SULF1: variants seen among roughly 807,000 people sequenced by gnomAD.
SULF1 encodes sulfatase 1.
SULF1 carries 46 observed loss-of-function variants against 110.5 expected under a neutral mutation model. That is an observed-to-expected ratio of 0.42 (90% CI 0.33 to 0.53). SULF1 has a LOEUF of 0.53. SULF1 is among the 20% of genes least tolerant of loss of function. SULF1 has a pLI of 0.12. For missense variants in SULF1, 941 were observed against 1,094.2 expected (o/e 0.86, Z 1.98); for synonymous variants, 371 against 387.1 (o/e 0.96, Z 0.49).
In SULF1 at chr8:69,651,678, G is replaced by A. The variant is rs1812356307; in HGVS notation, c.2586-6827G>A. The stretch of plus-strand genomic sequence containing the variant: ...ATTGTGTATTATATTAATAGATTTG[G>A]TAAGAATGAATCCTTTCATTCCTGA... On this transcript the variant is annotated intron_variant, in intron 22 of 22. Transcript: ENST00000402687. Among the ~76,000 whole-genome samples, 3 of 152,058 alleles carry A rather than the reference G, an allele frequency of 2.0e-5. No individual in the cohort carries two copies. In the South Asian group the frequency reaches 6.2e-4, roughly 32 times the overall value.
intron 3 of SULF1, among the ~76,000 whole-genome samples, chr8:69,532,580 A>G (rs1386780365): frequency 6.6e-6 from 1 of 152,240 alleles, no homozygotes; most frequent in East Asian, 1.9e-4. Context: ...ATGCATTGCA[A>G]GATCTTTAAA....
chr8:69,643,530 T>A (rs549429256), intron 22 of SULF1, among the ~76,000 whole-genome samples: 2 of 152,356 alleles, frequency 1.3e-5, no homozygotes, highest in East Asian at 1.9e-4. Context: ...AGCATTTTTT[T>A]AAATGTATCT....
intron 3 of SULF1, among the ~76,000 whole-genome samples, chr8:69,561,658 C>T (rs1003276289): frequency 6.6e-6 from 1 of 152,176 alleles, no homozygotes; most frequent in Non-Finnish European, 1.5e-5. Flanking sequence ...AGCAGGGGTT[C>T]ATTTACAGTA....
At chr8:69,641,608 C>T (rs757916257) in intron 22 of SULF1, among the ~76,000 whole-genome samples, 8 of 151,976 alleles carry the variant, frequency 5.3e-5, no homozygotes, top group Non-Finnish European at 8.8e-5. Context: ...TGGTGATGCA[C>T]ACCTGTAGTC....
intron 8 of SULF1, among the ~76,000 whole-genome samples, chr8:69,590,048 C>A (rs933652192): frequency 6.6e-6 from 1 of 152,180 alleles, no homozygotes; most frequent in Non-Finnish European, 1.5e-5. Context: ...CTCTTTTCAT[C>A]CACACTGGTT....
At chr8:69,512,990 T>C (rs1337357135) in intron 3 of SULF1, among the ~76,000 whole-genome samples, 1 of 152,232 alleles carries the variant, frequency 6.6e-6, no homozygotes, top group African/African-American at 2.4e-5. Context: ...ATACCTTAAT[T>C]ATGATTCATA....
At position 69,600,711 on chromosome 8, in the gene SULF1, A is replaced by G. The variant is rs1426021059; in HGVS notation, c.843A>G (p.Lys281=). The change falls in exon 9 of 23, where the codon AAA becomes AAG. Residue 281 remains lysine, a synonymous_variant. Coordinates refer to ENST00000402687, the MANE Select transcript of SULF1 (RefSeq NM_001128205.2). Reference sequence around the variant, plus strand: ...AATTTACAAACATTCTACAGCGCAAAAGGCTCCAGACTTTGATGTCAGTGG... The same window carrying G: ...AATTTACAAACATTCTACAGCGCAAGAGGCTCCAGACTTTGATGTCAGTGG... The part of the protein sequence containing the change: ...HMEFTNILQR[K]RLQTLMSVDD... The G allele has an allele frequency of 1.2e-6, 2 of 1,614,004 alleles. No homozygotes were observed. The highest frequency in any genetic ancestry group is 4.5e-5 in the East Asian group (2 of 44,870).
intron 3 of SULF1, among the ~76,000 whole-genome samples, chr8:69,514,202 A>G (rs899428948): frequency 1.3e-5 from 2 of 152,226 alleles, no homozygotes; most frequent in African/African-American, 4.8e-5. Flanking sequence ...TGGGTAATTT[A>G]TAAAGAAAAG....
At chr8:69,613,017 G>T (rs1808783377) in intron 13 of SULF1, among the ~76,000 whole-genome samples, 1 of 152,140 alleles carries the variant, frequency 6.6e-6, no homozygotes, top group Non-Finnish European at 1.5e-5. Context: ...GATCCATCTT[G>T]AGTTGATTTT....
At chr8:69,601,868 C>T (rs763430481) in intron 10 of SULF1, 39 bp downstream of exon 10, 2 of 1,558,084 alleles carry the variant, frequency 1.3e-6, no homozygotes, top group South Asian at 2.5e-5. Context: ...ACTGTCGTAC[C>T]TCAAGTGTGT....
chr8:69,480,076 C>T (rs1249445124), intron 1 of SULF1, among the ~76,000 whole-genome samples: 1 of 152,046 alleles, frequency 6.6e-6, no homozygotes, highest in Non-Finnish European at 1.5e-5. Context: ...AGCACCGTTG[C>T]TATGGATGAT....
At chr8:69,470,602 G>A (rs1463465431) in intron 1 of SULF1, among the ~76,000 whole-genome samples, 3 of 151,894 alleles carry the variant, frequency 2.0e-5, no homozygotes, top group Non-Finnish European at 4.4e-5. Context: ...CTCACATGTG[G>A]GCCATTGCAA....
At chr8:69,541,707 C>A (rs1048207496) in intron 3 of SULF1, among the ~76,000 whole-genome samples, 1 of 152,112 alleles carries the variant, frequency 6.6e-6, no homozygotes, top group African/African-American at 2.4e-5. Context: ...GGAAGAATGT[C>A]TTTGTTTTCA....
chr8:69,654,193 G>A (rs533348299), intron 22 of SULF1, among the ~76,000 whole-genome samples: 5 of 152,118 alleles, frequency 3.3e-5, no homozygotes, highest in Admixed American at 1.3e-4. Context: ...GACTCATGAC[G>A]TAACCCACTT....
chr8:69,551,156 G>A (rs1814680242), intron 3 of SULF1, among the ~76,000 whole-genome samples: 1 of 152,212 alleles, frequency 6.6e-6, no homozygotes, highest in African/African-American at 2.4e-5. Flanking sequence ...CTGAGTCAGG[G>A]CTTTATGAAA....
intron 3 of SULF1, among the ~76,000 whole-genome samples, chr8:69,508,086 G>A (rs1811314963): frequency 6.6e-6 from 1 of 151,180 alleles, no homozygotes; most frequent in African/African-American, 2.4e-5. Flanking sequence ...CAGCTGTGGG[G>A]TTTTTGAGAG....
chr8:69,477,658 G>A (rs535168469), intron 1 of SULF1, among the ~76,000 whole-genome samples: 222 of 152,234 alleles, frequency 1.5e-3, no homozygotes, highest in African/African-American at 5.0e-3. Context: ...GTGGTACAGT[G>A]GAAAGATATT....
At chr8:69,616,909 G>A (rs1325130351) in intron 13 of SULF1, among the ~76,000 whole-genome samples, 4 of 151,910 alleles carry the variant, frequency 2.6e-5, no homozygotes, top group East Asian at 3.9e-4. Context: ...CACCTCTTAC[G>A]CTTCCACTTG....
At chr8:69,551,497 C>G (rs1200993869) in intron 3 of SULF1, among the ~76,000 whole-genome samples, 1 of 152,180 alleles carries the variant, frequency 6.6e-6, no homozygotes, top group Non-Finnish European at 1.5e-5. Flanking sequence ...GTTGTTGATG[C>G]CTAGGATAGA....
Sources: gnomAD v4.1 joint callset for allele counts (sites outside exome capture counted in the v4.1 genomes callset) on GRCh38, gnomAD v4.1.1 for gene constraint, MANE v1.5 for transcripts, NCBI Gene and HGNC (gene_info 2026-07-23, HGNC 2026-07-21) for gene names.